KAT6B: variants seen among roughly 807,000 people sequenced by gnomAD.
The protein encoded by KAT6B is lysine acetyltransferase 6B.
Under a neutral mutation model 187.5 loss-of-function variants are expected in KAT6B, and 10 were observed. That is an observed-to-expected ratio of 0.05 (90% CI 0.03 to 0.09). The LOEUF (loss-of-function observed/expected upper bound fraction) is 0.09, where lower values mean the gene tolerates loss of function less well. Among genes scored for constraint, KAT6B ranks in the 10% least tolerant of loss-of-function variants. The pLI is 1.00. For missense variants in KAT6B, 1,952 were observed against 2,558.9 expected, an observed-to-expected ratio of 0.76 and a Z score of 5.12; for synonymous variants, 861 against 926.8, an observed-to-expected ratio of 0.93 and a Z score of 1.29.
chr10:74,983,088 T>C (rs1169405009), intron 11 of KAT6B: 1 of 152,236 alleles, frequency 6.6e-6, no homozygotes, highest in Non-Finnish European at 1.5e-5. Flanking sequence ...TCTTTTTCTA[T>C]CAGCTCTTTC....
intron 4 of KAT6B, 81 bp from the exon 5 acceptor site, chr10:74,969,579 T>A (rs1370771528): frequency 3.8e-6 from 3 of 788,084 alleles, no homozygotes; most frequent in Non-Finnish European, 6.8e-6. Context: ...TCATCAGCTA[T>A]CTATTAAATA....
In KAT6B at chr10:74,994,745, C is replaced by T. The variant is rs184257538; in HGVS notation, c.2629+5633C>T. Among the ~76,000 whole-genome samples the T allele has an allele frequency of 2.2e-4, 33 of 151,230 alleles. No homozygotes were observed. The East Asian group carries it at 6.2e-3, about 28-fold the overall frequency. ...AGGTTGCAGTGAGCTGAGATTGCAC[C>T]GAGCTGAGATTGCACCACTGCACTC... On this transcript the variant is annotated intron_variant, in intron 13 of 17. Transcript: ENST00000287239.
At chr10:74,880,369 A>G (rs1195205901) in intron 3 of KAT6B, among the ~76,000 whole-genome samples, 1 of 152,200 alleles carries the variant, frequency 6.6e-6, no homozygotes, top group African/African-American at 2.4e-5. Context: ...CACTGAGCAT[A>G]ATTTTTCAAG....
chr10:75,018,807 C>T (rs1305033772), intron 13 of KAT6B, among the ~76,000 whole-genome samples: 2 of 152,140 alleles, frequency 1.3e-5, no homozygotes, highest in Non-Finnish European at 1.5e-5. Context: ...ACACTCACTG[C>T]AGGGGACTTT....
intron 3 of KAT6B, among the ~76,000 whole-genome samples, chr10:74,936,830 T>G (rs1211662200): frequency 6.6e-6 from 1 of 152,244 alleles, no homozygotes; most frequent in African/African-American, 2.4e-5. Flanking sequence ...TTACAACTTA[T>G]GTCATTTTAG....
rs1846260900 is a variant in KAT6B at position 75,030,786 on chromosome 10, A to G, written c.5962A>G (p.Thr1988Ala). 1 of 1,614,114 alleles carries G rather than the reference A, an allele frequency of 6.2e-7. No individual in the cohort carries two copies. The highest frequency in any genetic ancestry group is 8.5e-7 in the Non-Finnish European group (1 of 1,180,024). ...CAACTCTGTGAACATGAACATGAAC[A>G]CTCTCAACGCCATGAATGGGTACAG... ...NVNSVNMNMN[T>A]LNAMNGYSMS... The change falls in exon 18 of 18, where the codon ACT (threonine) becomes GCT (alanine). Residue 1988 changes from threonine (T) to alanine (A), a missense_variant. This residue lies in a region of KAT6B where 358 missense variants were observed against 436.3 expected (regional missense o/e 0.82). Transcript: ENST00000287239. This position sits in a 1 kb window ranked among gnomAD's most constrained non-coding sequence, Gnocchi z 4.8.
Position 74,871,357 on chromosome 10 carries a change from T to A in KAT6B, c.621+27879T>A, listed in dbSNP as rs181609504. 4.5e-3 allele frequency among the ~76,000 whole-genome samples: 678 copies of A among 151,964 alleles called. 2 individuals carry two copies. Among genetic ancestry groups the A allele is most frequent in the Non-Finnish European group, 7.0e-3 (474 of 67,948 alleles). Reference sequence around the variant, plus strand: ...ACAGGCACACACCGTCATACCCGGCTGATTTTTGTATTTTTAGTAGAGATG... The same window carrying A: ...ACAGGCACACACCGTCATACCCGGCAGATTTTTGTATTTTTAGTAGAGATG... On this transcript the variant is annotated intron_variant, in intron 3 of 17. Transcript: ENST00000287239.
At chr10:74,899,383 C>T (rs1846228959) in intron 3 of KAT6B, among the ~76,000 whole-genome samples, 1 of 151,212 alleles carries the variant, frequency 6.6e-6, no homozygotes, top group Non-Finnish European at 1.5e-5. Context: ...AAGGGATTCT[C>T]CTGCCTCACC....
At position 75,029,306 on chromosome 10, in the gene KAT6B, G is replaced by A; in HGVS notation, c.4482G>A (p.Gly1494=). The change falls in exon 18 of 18, where the codon GGG becomes GGA. Residue 1494 remains glycine, a synonymous_variant. Transcript: ENST00000287239. This position sits in a 1 kb window ranked among gnomAD's most constrained non-coding sequence, Gnocchi z 6.2. ...ACAGTGAGCCCAAGGAGCTTGCTGG[G>A]GACCCTGAAGCTGTACCCGAATCTG... ...SCNSEPKELA[G]DPEAVPESDE... 1 of 1,614,116 alleles carries A rather than the reference G, an allele frequency of 6.2e-7. No individual in the cohort carries two copies.
chr10:74,943,354 C>T (rs1849835375), intron 3 of KAT6B, among the ~76,000 whole-genome samples: 1 of 152,150 alleles, frequency 6.6e-6, no homozygotes, highest in African/African-American at 2.4e-5. Flanking sequence ...GTCCCATGTT[C>T]ATAGAAGACT....
chr10:75,026,479 C>G (rs1049075012), intron 17 of KAT6B, among the ~76,000 whole-genome samples: 8 of 152,278 alleles, frequency 5.3e-5, no homozygotes, highest in African/African-American at 1.9e-4. Flanking sequence ...CAGGATCACT[C>G]TAGCTTTTGA....
At position 74,864,033 on chromosome 10, in the gene KAT6B, T is replaced by C. The variant is rs533362527; in HGVS notation, c.621+20555T>C. On this transcript the variant is annotated intron_variant, in intron 3 of 17. Transcript: ENST00000287239. ...TATTCAGTGCTTATATTTTTATGAGTTTGTAAATATTATTCACACTTGAGC... is the reference window on the plus strand; with the variant it reads ...TATTCAGTGCTTATATTTTTATGAGCTTGTAAATATTATTCACACTTGAGC... Among the ~76,000 whole-genome samples, 3 of 152,318 alleles carry C rather than the reference T, an allele frequency of 2.0e-5. No homozygotes were observed. The South Asian group carries it at 6.2e-4, about 32-fold the overall frequency.
Position 74,842,727 on chromosome 10 carries a change from G to A in KAT6B, c.-131G>A, listed in dbSNP as rs1356098559. 3 of 985,950 alleles carry A rather than the reference G, an allele frequency of 3.0e-6. No homozygotes were observed. The highest frequency in any genetic ancestry group is 4.8e-6 in the Non-Finnish European group (3 of 630,464). 61.1% of individuals were successfully genotyped at this position (985,950 alleles called of 1,614,324 possible). ...TCTTAAGGATGGATGTTTGTAAGATGTTGCTTAATACAGTCTGGAATACTC... is the reference window on the plus strand; with the variant it reads ...TCTTAAGGATGGATGTTTGTAAGATATTGCTTAATACAGTCTGGAATACTC... On this transcript the variant is annotated 5_prime_UTR_variant, in exon 3 of 18. An upstream start codon of the reference 5' UTR is lost. Transcript: ENST00000287239.
chr10:74,969,708 A>G lies in KAT6B; in HGVS notation c.779A>G (p.Lys260Arg). Residue 260 changes from lysine to arginine, a missense_variant, in exon 5 of 18, where the codon AAG (lysine) becomes AGG (arginine). Lys to Arg is a conservative substitution (Grantham distance 26, BLOSUM62 2). Around this residue, in one of 9 missense-constraint regions of KAT6B, gnomAD observed 24 missense variants for 42.7 expected, o/e 0.56. Transcript: ENST00000287239. ...KFCPELTTNV[K>R]ALRWQCIECK... is the part of the protein sequence containing the mutation. ...TGTCCTGAATTAACAACAAATGTAA[A>G]GGCCTTAAGGTGGCAGTGCATCGAA... The G allele has an allele frequency of 1.2e-6, 2 of 1,614,098 alleles. No homozygotes were observed. Among genetic ancestry groups the G allele is most frequent in the East Asian group, 4.5e-5 (2 of 44,890 alleles).
chr10:74,941,588 A>G (rs990410498), intron 3 of KAT6B, among the ~76,000 whole-genome samples: 2 of 152,202 alleles, frequency 1.3e-5, no homozygotes, highest in African/African-American at 2.4e-5. Context: ...ATTTGTGGAA[A>G]GCCCAAATTA....
intron 13 of KAT6B, among the ~76,000 whole-genome samples, chr10:75,014,269 G>A (rs1228254538): frequency 6.6e-6 from 1 of 152,086 alleles, no homozygotes; most frequent in African/African-American, 2.4e-5. Flanking sequence ...GAGCCTGAGA[G>A]TTTGAGACCA....
intron 3 of KAT6B, among the ~76,000 whole-genome samples, chr10:74,921,736 A>C (rs144278945): frequency 2.6e-5 from 4 of 152,060 alleles, no homozygotes; most frequent in Admixed American, 1.3e-4. Flanking sequence ...CCTTTTGGCA[A>C]TTTTCTAGTG....
intron 16 of KAT6B, 147 bp downstream of exon 16, chr10:75,022,378 T>C: frequency 1.0e-6 from 1 of 961,258 alleles, no homozygotes; most frequent in South Asian, 1.3e-5. Context: ...TATATCATAA[T>C]CGTTTATCTC....
At chr10:74,951,036 C>G (rs182657887) in intron 3 of KAT6B, among the ~76,000 whole-genome samples, 22 of 151,682 alleles carry the variant, frequency 1.5e-4, no homozygotes, top group African/African-American at 5.1e-4. Flanking sequence ...TTTAAAAAGA[C>G]TAAACCGATA....
Sources: allele counts gnomAD v4.1 joint callset (sites outside exome capture counted in the v4.1 genomes callset), GRCh38; gene constraint gnomAD v4.1.1; regional missense constraint gnomAD v4.1.1; non-coding constraint Gnocchi (gnomAD v3.1); transcripts MANE v1.5; gene names NCBI Gene and HGNC (gene_info 2026-07-23, HGNC 2026-07-21).